SESN3: variants seen among roughly 807,000 people sequenced by gnomAD.
The protein encoded by SESN3 is sestrin 3.
SESN3 carries 21 observed loss-of-function variants against 55.3 expected under a neutral mutation model. The observed-to-expected ratio is 0.38, with a 90% CI of 0.27 to 0.55. The LOEUF (loss-of-function observed/expected upper bound fraction) is 0.55, where lower values mean the gene tolerates loss of function less well. Ranked by LOEUF, SESN3 falls within the 20% of genes least tolerant of loss-of-function variation. The pLI is 0.76. For missense variants in SESN3, 408 were observed against 604.3 expected, an observed-to-expected ratio of 0.68 and a Z score of 3.41; for synonymous variants, 181 against 203.1, an observed-to-expected ratio of 0.89 and a Z score of 0.93.
At chr11:95,175,412 A>G in intron 9 of SESN3, 86 bp downstream of exon 9, 1 of 1,164,938 alleles carries the variant, frequency 8.6e-7, no homozygotes. Flanking sequence ...TAATTTATTA[A>G]TACTTTCATG....
In SESN3 at chr11:95,191,403, C is replaced by T. The variant is rs1448371865; in HGVS notation, c.342+1G>A. 2 of 1,608,270 alleles carry T rather than the reference C, an allele frequency of 1.2e-6. No homozygotes were observed. Among genetic ancestry groups the T allele is most frequent in the Admixed American group, 3.3e-5 (2 of 59,852 alleles). On this transcript the variant is annotated splice_donor_variant, in intron 3 of 9. Transcript: ENST00000536441. LOFTEE classifies it high-confidence loss of function. ...GTGAACATAGGAAAATAAGCACCCA[C>T]CATTATTGCAATATAGTGCCTGTAT... is the stretch of plus-strand genomic sequence containing the variant.
intron 1 of SESN3, among the ~76,000 whole-genome samples, chr11:95,210,215 A>T (rs1312600746): frequency 6.6e-6 from 1 of 151,080 alleles, no homozygotes; most frequent in Non-Finnish European, 1.5e-5. Flanking sequence ...CGGAGCCTGT[A>T]GGGGGTTAGG....
chr11:95,199,242 A>G (rs1860418683), intron 1 of SESN3, among the ~76,000 whole-genome samples: 2 of 152,102 alleles, frequency 1.3e-5, no homozygotes, highest in South Asian at 4.1e-4. Context: ...AACTAGTTAT[A>G]AAATAGGAAC....
intron 1 of SESN3, among the ~76,000 whole-genome samples, chr11:95,228,219 C>G (rs1269874260): frequency 6.6e-6 from 1 of 152,136 alleles, no homozygotes; most frequent in Non-Finnish European, 1.5e-5. Flanking sequence ...AAGGTGAATT[C>G]CATTCCTTGT....
Position 95,167,955 on chromosome 11 carries a change from G to A in SESN3, c.*5300C>T, listed in dbSNP as rs1859781469. The A allele has an allele frequency of 6.6e-6, 1 of 152,120 alleles. No individual in the cohort carries two copies. Among genetic ancestry groups the A allele is most frequent in the African/African-American group, 2.4e-5 (1 of 41,418 alleles). 9.4% of individuals were successfully genotyped at this position (152,120 alleles called of 1,614,324 possible). On this transcript the variant is annotated 3_prime_UTR_variant, in exon 10 of 10. Coordinates refer to ENST00000536441, the MANE Select transcript of SESN3 (RefSeq NM_144665.4). ...TCAATGCATTTTCTTTTCATCCCAT[G>A]GAACATTTTTTTTCCTCCCATAAGA...
chr11:95,231,018 T>C lies in SESN3; in HGVS notation c.-158A>G. 2.2e-6 allele frequency: 1 copy of C among 460,514 alleles called. No homozygotes were observed. The highest frequency in any genetic ancestry group is 3.8e-6 in the Non-Finnish European group (1 of 264,590). The allele number at this position is 460,514 out of a possible 1,614,324, so 28.5% of individuals were successfully genotyped here. Reference sequence around the variant, plus strand: ...GGAGGAGAGGCGACTGCCTGAAAGCTAGCGGCACTGCCAGAGGCGACCACC... The same window carrying C: ...GGAGGAGAGGCGACTGCCTGAAAGCCAGCGGCACTGCCAGAGGCGACCACC... On this transcript the variant is annotated 5_prime_UTR_variant, in exon 1 of 10. Coordinates refer to ENST00000536441, the MANE Select transcript of SESN3 (RefSeq NM_144665.4).
At chr11:95,229,252 A>G (rs776327416) in intron 1 of SESN3, among the ~76,000 whole-genome samples, 29 of 152,226 alleles carry the variant, frequency 1.9e-4, no homozygotes, top group Admixed American at 8.5e-4. Flanking sequence ...CTGCAGTGAA[A>G]GAGTTAACAT....
rs138152513 is a variant in SESN3, at chr11:95,192,811, A to G, written c.144+646T>C. On this transcript the variant is annotated intron_variant, in intron 2 of 9. Coordinates refer to ENST00000536441, the MANE Select transcript of SESN3 (RefSeq NM_144665.4). The stretch of plus-strand genomic sequence containing the variant: ...CATTTTGTCAACTACAGGGACCAAG[A>G]CAGTTAAAAATATAATGGGATCCAG... 5.2e-3 allele frequency among the ~76,000 whole-genome samples: 791 copies of G among 152,256 alleles called. 4 individuals are homozygous for G. The highest frequency in any genetic ancestry group is 7.0e-3 in the Non-Finnish European group (475 of 68,004).
rs1859889345 is a variant in SESN3 at position 95,173,266 on chromosome 11, G to A, written c.1468C>T (p.His490Tyr). ...CCTTGGGTGATACTTCAGGTCAAAT[G>A]CCGAGTTATGGCACGAAGAGCATAA... is the stretch of plus-strand genomic sequence containing the variant. ...LLYALRAITR[H>Y]LT Residue 490 changes from histidine (H) to tyrosine (Y), a missense_variant, in exon 10 of 10, where the codon CAT (histidine) becomes TAT (tyrosine). Around this residue, in one of 4 missense-constraint regions of SESN3, gnomAD observed 121 missense variants for 204.9 expected, o/e 0.59. Coordinates refer to ENST00000536441, the MANE Select transcript of SESN3 (RefSeq NM_144665.4). The A allele has an allele frequency of 1.9e-6, 3 of 1,572,504 alleles. 1 individual carries two copies. In the South Asian group the frequency reaches 3.4e-5, roughly 18 times the overall value.
intron 1 of SESN3, among the ~76,000 whole-genome samples, chr11:95,199,818 T>C (rs1860428464): frequency 6.6e-6 from 1 of 152,070 alleles, no homozygotes; most frequent in African/African-American, 2.4e-5. Context: ...GAGCAAAATG[T>C]GTAATTAATT....
rs2134201657 is a variant in SESN3 at position 95,167,647 on chromosome 11, T to C, written c.*5608A>G. The C allele has an allele frequency of 6.6e-6, 1 of 152,290 alleles. No individual in the cohort carries two copies. The highest frequency in any genetic ancestry group is 2.1e-4 in the South Asian group (1 of 4,826). The allele number at this position is 152,290 out of a possible 1,614,324, so 9.4% of individuals were successfully genotyped here. On this transcript the variant is annotated 3_prime_UTR_variant, in exon 10 of 10. Transcript: ENST00000536441. ...ATTCATTCCTGAGCCCTGAAAGGCA[T>C]TTATTGGATACTACTATCAGGTTGA...
intron 6 of SESN3, 143 bp downstream of exon 6, chr11:95,184,277 G>C: frequency 1.5e-6 from 1 of 677,838 alleles, no homozygotes. Context: ...GAAAGCAATA[G>C]CATGAGGGTA....
chr11:95,211,853 T>C (rs922016011), intron 1 of SESN3, among the ~76,000 whole-genome samples: 2 of 152,248 alleles, frequency 1.3e-5, no homozygotes, highest in African/African-American at 4.8e-5. Flanking sequence ...TGTTTAGAAA[T>C]TGTCTTACAA....
chr11:95,203,615 CTTTAT>C (rs370436898), intron 1 of SESN3: 14 of 152,254 alleles, frequency 9.2e-5, no homozygotes, highest in African/African-American at 3.4e-4. Context: ...ATCATTTCTG[CTTTAT>C]TTTGTCAATC....
intron 1 of SESN3, among the ~76,000 whole-genome samples, chr11:95,196,475 T>G (rs747113240): frequency 6.6e-6 from 1 of 152,014 alleles, no homozygotes; most frequent in African/African-American, 2.4e-5. Flanking sequence ...TTTTTTAAGA[T>G]AAGACCATAA....
chr11:95,223,509 C>T (rs886866179), intron 1 of SESN3, among the ~76,000 whole-genome samples: 4 of 152,020 alleles, frequency 2.6e-5, no homozygotes, highest in Non-Finnish European at 4.4e-5. Context: ...GTTTTTTTCC[C>T]TCCCTGGTTT....
chr11:95,181,080 A>G (rs1333284194), intron 6 of SESN3, among the ~76,000 whole-genome samples: 1 of 151,990 alleles, frequency 6.6e-6, no homozygotes, highest in Non-Finnish European at 1.5e-5. Flanking sequence ...TAATAACTAA[A>G]CTCTATAAAA....
chr11:95,176,206 G>A (rs1173365930), intron 8 of SESN3, among the ~76,000 whole-genome samples: 2 of 152,180 alleles, frequency 1.3e-5, no homozygotes, highest in African/African-American at 2.4e-5. Context: ...GGTAAGAGCA[G>A]TTTTGTTGGT....
chr11:95,180,511 A>G (rs1278632697), intron 6 of SESN3, among the ~76,000 whole-genome samples: 1 of 152,172 alleles, frequency 6.6e-6, no homozygotes, highest in African/African-American at 2.4e-5. Flanking sequence ...CATTACATAT[A>G]AAGAAAAGAG....
Sources: gnomAD v4.1 joint callset for allele counts (sites outside exome capture counted in the v4.1 genomes callset) on GRCh38, gnomAD v4.1.1 for gene constraint, gnomAD v4.1.1 regional missense constraint, MANE v1.5 for transcripts, NCBI Gene and HGNC (gene_info 2026-07-23, HGNC 2026-07-21) for gene names.